Variants in ZBTB40 observed in about 807,000 individuals in gnomAD.
The protein encoded by ZBTB40 is zinc finger and BTB domain-containing protein 40.
ZBTB40 carries 60 observed loss-of-function variants against 117.5 expected under a neutral mutation model. That is an observed-to-expected ratio of 0.51 (90% CI 0.41 to 0.63). ZBTB40 has a LOEUF of 0.63. ZBTB40 is among the 30% of genes least tolerant of loss of function. The pLI, the probability that ZBTB40 is intolerant of heterozygous loss-of-function variation, is 0.00. For synonymous variants in ZBTB40, 525 were observed against 577.1 expected (o/e 0.91, Z 1.29); for missense variants, 1,287 against 1,498.5 (o/e 0.86, Z 2.33).
chr1:22,465,998 A>C (rs116704949), intron 1 of ZBTB40, among the ~76,000 whole-genome samples: 4,169 of 151,394 alleles, frequency 0.028, 223 homozygotes, highest in African/African-American at 0.096. Context: ...TCACTCTGAA[A>C]CCCCCCCTGT....
At position 22,528,446 on chromosome 1, in the gene ZBTB40, A is replaced by T. The variant is rs950441707; in HGVS notation, c.*2050A>T. 5.9e-5 allele frequency: 9 copies of T among 151,796 alleles called. No homozygotes were observed. The highest frequency in any genetic ancestry group is 1.2e-4 in the Non-Finnish European group (8 of 67,998). The allele number at this position is 151,796 out of a possible 1,614,324, so 9.4% of individuals were successfully genotyped here. A position where few individuals can be genotyped will look rare whatever the true frequency, so the allele number is the denominator to read the frequency against. On this transcript the variant is annotated 3_prime_UTR_variant, in exon 18 of 18. Transcript: ENST00000375647. Reference sequence around the variant, plus strand: ...GATTTAAAAAGAAAAAACAAACAACAACAAAAAAAACTCTTCGGAATAAAG... The same window carrying T: ...GATTTAAAAAGAAAAAACAAACAACTACAAAAAAAACTCTTCGGAATAAAG...
intron 1 of ZBTB40, among the ~76,000 whole-genome samples, chr1:22,446,633 G>T (rs975487376): frequency 5.3e-5 from 8 of 151,848 alleles, no homozygotes; most frequent in African/African-American, 1.9e-4. Flanking sequence ...GAGAAACATT[G>T]AAAGTGTTGA....
At position 22,494,936 on chromosome 1, in the gene ZBTB40, C is replaced by T. The variant is rs139004462; in HGVS notation, c.831+3403C>T. 4.4e-3 allele frequency among the ~76,000 whole-genome samples: 669 copies of T among 152,306 alleles called. 24 individuals are homozygous for T. The highest frequency in any genetic ancestry group is 0.041 in the Admixed American group (628 of 15,300). ...TTTAAGAGCTGTTCACTTAGAACAA[C>T]GTTGTTTCACATTTCCGTACAATTT... On this transcript the variant is annotated intron_variant, in intron 3 of 17. Coordinates refer to ENST00000375647, the MANE Select transcript of ZBTB40 (RefSeq NM_014870.4).
In ZBTB40 at chr1:22,522,402, G is replaced by A. The variant is rs766468590; in HGVS notation, c.3237G>A (p.Gln1079=). 1 of 1,614,180 alleles carries A rather than the reference G, an allele frequency of 6.2e-7. No individual in the cohort carries two copies. The highest frequency in any genetic ancestry group is 1.3e-5 in the African/African-American group (1 of 75,044). ...HADMKFHECD[Q]CKELFPTPAL... ...ATATGAAGTTCCATGAATGTGACCAGTGTAAGGAGCTCTTCCCCACGCCAG... is the reference window on the plus strand; with the variant it reads ...ATATGAAGTTCCATGAATGTGACCAATGTAAGGAGCTCTTCCCCACGCCAG... Residue 1079 remains glutamine, a synonymous_variant, in exon 16 of 18, where the codon CAG becomes CAA. Coordinates refer to ENST00000375647, the MANE Select transcript of ZBTB40 (RefSeq NM_014870.4).
At position 22,524,278 on chromosome 1, in the gene ZBTB40, A is replaced by G; in HGVS notation, c.3359A>G (p.Gln1120Arg). 3 of 1,614,136 alleles carry G rather than the reference A, an allele frequency of 1.9e-6. No individual in the cohort carries two copies. The highest frequency in any genetic ancestry group is 2.5e-6 in the Non-Finnish European group (3 of 1,180,020). The change falls in exon 17 of 18, where the codon CAG becomes CGG. Residue 1120 changes from glutamine (Q) to arginine (R), a missense_variant. This residue lies in a region of ZBTB40 where 417 missense variants were observed against 564.1 expected (regional missense o/e 0.74). Coordinates refer to ENST00000375647, the MANE Select transcript of ZBTB40 (RefSeq NM_014870.4). ...ACTTTCCGTTTTCCTGGAGCATTGC[A>G]GCACCATGTCACCACGGAGCACTTC... is the stretch of plus-strand genomic sequence containing the variant. The part of the protein sequence containing the change: ...AATFRFPGAL[Q>R]HHVTTEHFKQ...
In ZBTB40 at chr1:22,529,249, GTGT is replaced by G. The variant is rs1386269835; in HGVS notation, c.*2858_*2860del. The G allele has an allele frequency of 1.3e-5, 2 of 152,418 alleles. No individual in the cohort carries two copies. The highest frequency in any genetic ancestry group is 2.9e-5 in the Non-Finnish European group (2 of 68,128). The allele number at this position is 152,418 out of a possible 1,614,324, so 9.4% of individuals were successfully genotyped here. A position where few individuals can be genotyped will look rare whatever the true frequency, so the allele number is the denominator to read the frequency against. On this transcript the variant is annotated 3_prime_UTR_variant, in exon 18 of 18. Transcript: ENST00000375647. ...CATCGCTCGCTTCCATGGGGTCCCGGTGTTGTTTTTGCCTCGTTCCCCATAGGC... is the reference window on the plus strand; with the variant it reads ...CATCGCTCGCTTCCATGGGGTCCCGGTGTTTTTGCCTCGTTCCCCATAGGC...
upstream of ZBTB40, chr1:22,451,743 C>G (rs994707991): frequency 8.3e-6 from 1 of 121,170 alleles, no homozygotes; most frequent in Non-Finnish European, 1.6e-5. Flanking sequence ...TAGCAACCAG[C>G]CGGCCCCCGC....
At chr1:22,485,870 T>C (rs965707762) in intron 1 of ZBTB40, among the ~76,000 whole-genome samples, 1 of 152,210 alleles carries the variant, frequency 6.6e-6, no homozygotes, top group African/African-American at 2.4e-5. Flanking sequence ...TATGGTGTTT[T>C]TTATCTCTAG....
chr1:22,452,187 C>T (rs1640893081), intron 1 of ZBTB40, among the ~76,000 whole-genome samples, 183 bp downstream of exon 1: 1 of 152,160 alleles, frequency 6.6e-6, no homozygotes, highest in African/African-American at 2.4e-5. Context: ...GTCCGCACCC[C>T]TGGCGCCGGC....
chr1:22,521,183 C>T (rs917582588), intron 14 of ZBTB40, among the ~76,000 whole-genome samples: 1 of 152,242 alleles, frequency 6.6e-6, no homozygotes, highest in Non-Finnish European at 1.5e-5. Context: ...AGTCATTTAA[C>T]CCCTCGGTGT....
At chr1:22,437,020 T>G (rs1435027468) in intron 1 of ZBTB40, among the ~76,000 whole-genome samples, 1 of 151,982 alleles carries the variant, frequency 6.6e-6, no homozygotes, top group Non-Finnish European at 1.5e-5. Context: ...AAGGGAACTT[T>G]TGCACGTGAT....
At chr1:22,502,463 T>C in intron 5 of ZBTB40, 22 bp downstream of exon 5, 1 of 1,613,908 alleles carries the variant, frequency 6.2e-7, no homozygotes, top group Non-Finnish European at 8.5e-7. Flanking sequence ...AAGTGTCTCC[T>C]CCCTCCTCCT....
Position 22,507,990 on chromosome 1 carries a change from T to TA in ZBTB40, c.1361-10dup, listed in dbSNP as rs1447969591. 3.1e-6 allele frequency: 5 copies of TA among 1,614,202 alleles called. No homozygotes were observed. Among genetic ancestry groups the TA allele is most frequent in the Non-Finnish European group, 4.2e-6 (5 of 1,180,034 alleles). On this transcript the variant is annotated splice_polypyrimidine_tract_variant and intron_variant, in intron 6 of 17. Coordinates refer to ENST00000375647, the MANE Select transcript of ZBTB40 (RefSeq NM_014870.4). Reference sequence around the variant, plus strand: ...GCATCAAACATTATTGTTTTGCTAATATCCTTACAGTCCAACCAAGCCCTG... The same window carrying TA: ...GCATCAAACATTATTGTTTTGCTAATAATCCTTACAGTCCAACCAAGCCCTG...
At chr1:22,495,814 C>T (rs1197736495) in intron 3 of ZBTB40, among the ~76,000 whole-genome samples, 1 of 152,212 alleles carries the variant, frequency 6.6e-6, no homozygotes, top group Non-Finnish European at 1.5e-5. Context: ...CCGCACCCAG[C>T]CTTTTTTACG....
At chr1:22,517,577 C>T (rs1007143002) in intron 13 of ZBTB40, 113 bp downstream of exon 13, 18 of 1,304,234 alleles carry the variant, frequency 1.4e-5, no homozygotes, top group Non-Finnish European at 1.9e-5. Flanking sequence ...CAGTGCATTC[C>T]CCTTACCTGT....
intron 1 of ZBTB40, among the ~76,000 whole-genome samples, chr1:22,475,940 A>G (rs1641540374): frequency 6.6e-6 from 1 of 152,198 alleles, no homozygotes; most frequent in African/African-American, 2.4e-5. Context: ...AGTACAATAA[A>G]TTGGAGAATA....
chr1:22,489,869 G>A lies in ZBTB40; in HGVS notation c.-69-11G>A. Reference sequence around the variant, plus strand: ...TGAAGTTTTAACCTGGTATTTTGTGGGTTTCTCTAGGGCCTGTCCTCCCAA... The same window carrying A: ...TGAAGTTTTAACCTGGTATTTTGTGAGTTTCTCTAGGGCCTGTCCTCCCAA... On this transcript the variant is annotated splice_polypyrimidine_tract_variant and intron_variant, in intron 1 of 17. Coordinates refer to ENST00000375647, the MANE Select transcript of ZBTB40 (RefSeq NM_014870.4). The A allele has an allele frequency of 2.2e-6, 3 of 1,380,916 alleles. No individual in the cohort carries two copies. Among genetic ancestry groups the A allele is most frequent in the Non-Finnish European group, 3.1e-6 (3 of 981,948 alleles). 85.5% of individuals were successfully genotyped at this position (1,380,916 alleles called of 1,614,324 possible). A position where few individuals can be genotyped will look rare whatever the true frequency, so the allele number is the denominator to read the frequency against.
rs1638353466 is a variant in ZBTB40 at position 22,482,611 on chromosome 1, A to G, written c.-69-7269A>G. Among the ~76,000 whole-genome samples the G allele has an allele frequency of 4.6e-5, 7 of 152,290 alleles. No individual in the cohort carries two copies. In the South Asian group the frequency reaches 1.2e-3, roughly 27 times the overall value. On this transcript the variant is annotated intron_variant, in intron 1 of 17. Coordinates refer to ENST00000375647, the MANE Select transcript of ZBTB40 (RefSeq NM_014870.4). ...TTGTAGATTCATGAAGAATAATTTC[A>G]CTGCCCTAAAAATCCTCTGTGCTTT...
chr1:22,492,024 T>C (rs1449284862), intron 3 of ZBTB40, among the ~76,000 whole-genome samples: 2 of 152,218 alleles, frequency 1.3e-5, no homozygotes, highest in African/African-American at 4.8e-5. Flanking sequence ...AACGAACACT[T>C]CCTGTATTAA....
Sources: allele counts gnomAD v4.1 joint callset (sites outside exome capture counted in the v4.1 genomes callset), GRCh38; gene constraint gnomAD v4.1.1; regional missense constraint gnomAD v4.1.1; transcripts MANE v1.5; gene names NCBI Gene and HGNC (gene_info 2026-07-23, HGNC 2026-07-21).